The following VSIR variants were observed in gnomAD, a reference collection of about 807,000 sequenced individuals.
VSIR encodes V-set immunoregulatory receptor.
In VSIR, 10 loss-of-function variants were observed where a neutral mutation model predicts 31.0. The ratio of observed to expected loss-of-function variants is 0.32; its 90% CI spans 0.20 to 0.55. The LOEUF (loss-of-function observed/expected upper bound fraction) is 0.55. VSIR is among the 20% of genes least tolerant of loss of function. The pLI is 0.93. For missense variants in VSIR, 356 were observed against 416.2 expected, an observed-to-expected ratio of 0.86 and a Z score of 1.26; for synonymous variants, 179 against 180.1, an observed-to-expected ratio of 0.99 and a Z score of 0.05.
intron 1 of VSIR, among the ~76,000 whole-genome samples, chr10:71,768,762 G>A (rs1284438786): frequency 6.6e-6 from 1 of 152,232 alleles, no homozygotes; most frequent in African/African-American, 2.4e-5. Flanking sequence ...TTACAGGCAT[G>A]AGCCACTGTG....
rs3747858 is a variant in VSIR at position 71,755,346 on chromosome 10, G to A, written c.676+13C>T. On this transcript the variant is annotated intron_variant, in intron 4 of 6. Coordinates refer to ENST00000394957, the MANE Select transcript of VSIR (RefSeq NM_022153.2). ...GCACCGTCCACCCACCCCAGGCAGG[G>A]AGGAATACTCACGGCGGTTGGAGGC... is the stretch of plus-strand genomic sequence containing the variant. 7.0e-5 allele frequency: 113 copies of A among 1,604,482 alleles called. No individual in the cohort carries two copies. The highest frequency in any genetic ancestry group is 8.9e-5 in the Non-Finnish European group (105 of 1,175,506).
At chr10:71,770,699 A>G (rs553920923) in intron 1 of VSIR, among the ~76,000 whole-genome samples, 36 of 152,074 alleles carry the variant, frequency 2.4e-4, no homozygotes, top group African/African-American at 8.4e-4. Context: ...CACCCCATAC[A>G]CTGTGTGCGG....
At chr10:71,772,667 G>T (rs967714009) in intron 1 of VSIR, among the ~76,000 whole-genome samples, 3 of 152,232 alleles carry the variant, frequency 2.0e-5, no homozygotes, top group Non-Finnish European at 4.4e-5. Context: ...GACCCAGAAG[G>T]GGCTCATAGC....
chr10:71,761,616 C>A lies in VSIR; in HGVS notation c.493G>T (p.Glu165Ter). 6.3e-7 allele frequency: 1 copy of A among 1,597,762 alleles called. No individual in the cohort carries two copies. Among genetic ancestry groups the A allele is most frequent in the Non-Finnish European group, 8.5e-7 (1 of 1,170,708 alleles). ...HSEHRVHGAM[E>*]LQVQTGKDAP... ...CCCTCACCTGTCTGCACCTGCAGCT[C>A]CATGGCACCATGGACCCTGTGCTCC... The change falls in exon 2 of 7, where the codon GAG (glutamate) becomes TAG (stop). Residue 165 changes from glutamate to a stop codon, truncating the protein, a stop_gained. Transcript: ENST00000394957. LOFTEE classifies it high-confidence loss of function.
chr10:71,761,368 C>T (rs1564781020), intron 2 of VSIR, among the ~76,000 whole-genome samples: 1 of 152,178 alleles, frequency 6.6e-6, no homozygotes, highest in African/African-American at 2.4e-5. Context: ...ATTAAAAAGT[C>T]TCACTGTCAC....
rs118051277 is a variant in VSIR at position 71,755,204 on chromosome 10, C to T, written c.676+155G>A. The T allele has an allele frequency of 2.3e-4, 179 of 773,486 alleles. 1 individual carries two copies. The East Asian group carries it at 4.7e-3, about 20-fold the overall frequency. The allele number at this position is 773,486 out of a possible 1,614,324, so 47.9% of individuals were successfully genotyped here. The stretch of plus-strand genomic sequence containing the variant: ...CATGCCTCCTTTCTCTCGGCCATTT[C>T]GCCCAGCTCCTGGCGGGAAGTGCAG... On this transcript the variant is annotated intron_variant, in intron 4 of 6. Coordinates refer to ENST00000394957, the MANE Select transcript of VSIR (RefSeq NM_022153.2).
intron 3 of VSIR, among the ~76,000 whole-genome samples, chr10:71,756,131 A>C (rs6480553): frequency 0.87 from 131,855 of 152,116 alleles, 57,264 homozygotes; most frequent in Middle Eastern, 0.93. Flanking sequence ...AATGTTTTTC[A>C]ATTTTAAACT....
intron 3 of VSIR, among the ~76,000 whole-genome samples, chr10:71,760,015 A>G (rs1278999748): frequency 1.6e-4 from 18 of 111,108 alleles, no homozygotes; most frequent in Non-Finnish European, 2.6e-4. Context: ...ATATATACAC[A>G]CACACATATA....
intron 3 of VSIR, chr10:71,760,351 T>G (rs2132886852): frequency 6.7e-6 from 1 of 149,220 alleles, no homozygotes. Context: ...TAATAATACT[T>G]AAAAAGACTT....
At chr10:71,756,295 A>T (rs973071785) in intron 3 of VSIR, among the ~76,000 whole-genome samples, 3 of 152,216 alleles carry the variant, frequency 2.0e-5, no homozygotes, top group Admixed American at 2.0e-4. Context: ...ACGCAGCATC[A>T]TATGACAATG....
intron 1 of VSIR, among the ~76,000 whole-genome samples, chr10:71,768,272 G>A (rs1287984048): frequency 6.6e-6 from 1 of 152,144 alleles, no homozygotes; most frequent in African/African-American, 2.4e-5. Context: ...CCAGGTTGAA[G>A]CAACTCTCCT....
chr10:71,766,722 TGAG>T (rs1272812201), intron 1 of VSIR, among the ~76,000 whole-genome samples: 2 of 152,076 alleles, frequency 1.3e-5, no homozygotes, highest in African/African-American at 4.8e-5. Flanking sequence ...ATTTTAAAGA[TGAG>T]GAAACAGACT....
At chr10:71,767,150 G>C (rs144325574) in intron 1 of VSIR, among the ~76,000 whole-genome samples, 4 of 152,314 alleles carry the variant, frequency 2.6e-5, no homozygotes, top group African/African-American at 9.6e-5. Flanking sequence ...CAAGGGAAAG[G>C]AGCTCTTGTT....
In VSIR at chr10:71,751,390, G is replaced by T; in HGVS notation, c.899-100C>A. The T allele has an allele frequency of 1.6e-6, 1 of 610,554 alleles. No homozygotes were observed. 37.8% of individuals were successfully genotyped at this position (610,554 alleles called of 1,614,324 possible). A position where few individuals can be genotyped will look rare whatever the true frequency, so the allele number is the denominator to read the frequency against. ...GAACTCTTCAGGGAGGTGAATGGGG[G>T]CCCCTCTGTCCCTCACCCTCAACCC... On this transcript the variant is annotated intron_variant, in intron 6 of 6. Transcript: ENST00000394957. The surrounding 1 kb of genome is among the most constrained non-coding windows in gnomAD (Gnocchi z 4.9).
Position 71,751,094 on chromosome 10 carries a change from G to T in VSIR, c.*159C>A. ...AGCATCCCCATGTAGCATCCAGAGGGGTTGAGGGGCTGGGCTTCTGGGATG... is the reference window on the plus strand; with the variant it reads ...AGCATCCCCATGTAGCATCCAGAGGTGTTGAGGGGCTGGGCTTCTGGGATG... On this transcript the variant is annotated 3_prime_UTR_variant, in exon 7 of 7. Coordinates refer to ENST00000394957, the MANE Select transcript of VSIR (RefSeq NM_022153.2). The surrounding 1 kb of genome is among the most constrained non-coding windows in gnomAD (Gnocchi z 4.9). The T allele has an allele frequency of 1.2e-6, 1 of 843,514 alleles. No homozygotes were observed. Among genetic ancestry groups the T allele is most frequent in the Non-Finnish European group, 1.8e-6 (1 of 546,700 alleles). The allele number at this position is 843,514 out of a possible 1,614,324, so 52.3% of individuals were successfully genotyped here. A position where few individuals can be genotyped will look rare whatever the true frequency, so the allele number is the denominator to read the frequency against.
At position 71,773,341 on chromosome 10, in the gene VSIR, G is replaced by C. The variant is rs201293554; in HGVS notation, c.82+17C>G. On this transcript the variant is annotated intron_variant, in intron 1 of 6. Coordinates refer to ENST00000394957, the MANE Select transcript of VSIR (RefSeq NM_022153.2). ...TCTCCCAGCTTTTTCCCAGCGCCCC[G>C]CCTCCCCCGACCTTACCTAGGGACG... is the stretch of plus-strand genomic sequence containing the variant. The C allele has an allele frequency of 4.9e-4, 788 of 1,596,800 alleles. 2 individuals carry two copies. The highest frequency in any genetic ancestry group is 4.6e-3 in the Middle Eastern group (28 of 6,028).
chr10:71,763,271 G>A (rs1264315684), intron 1 of VSIR, among the ~76,000 whole-genome samples: 1 of 152,232 alleles, frequency 6.6e-6, no homozygotes, highest in African/African-American at 2.4e-5. Context: ...GCCTCTCAAA[G>A]TCTTGGGATT....
At chr10:71,754,156 G>A (rs1840073955) in intron 4 of VSIR, among the ~76,000 whole-genome samples, 1 of 152,094 alleles carries the variant, frequency 6.6e-6, no homozygotes, top group Non-Finnish European at 1.5e-5. Flanking sequence ...CCCCTGCCCT[G>A]CTGCCCAGCG....
At chr10:71,756,395 T>G (rs552567443) in intron 3 of VSIR, among the ~76,000 whole-genome samples, 1 of 152,216 alleles carries the variant, frequency 6.6e-6, no homozygotes, top group African/African-American at 2.4e-5. Context: ...ACTAAATTTA[T>G]TGAAGCAGTC....
Sources: gnomAD v4.1 joint callset for allele counts (sites outside exome capture counted in the v4.1 genomes callset) on GRCh38, gnomAD v4.1.1 for gene constraint, Gnocchi (gnomAD v3.1) non-coding constraint, MANE v1.5 for transcripts, NCBI Gene and HGNC (gene_info 2026-07-23, HGNC 2026-07-21) for gene names.